The following DMD variants were observed in gnomAD, a reference collection of about 807,000 sequenced individuals.
DMD encodes the protein mutant dystrophin.
Under a neutral mutation model 330.1 loss-of-function variants are expected in DMD, and 63 were observed. The observed-to-expected ratio is 0.19, with a 90% CI of 0.16 to 0.24. DMD has a LOEUF of 0.24. Ranked by LOEUF, DMD falls within the 10% of genes least tolerant of loss-of-function variation. The pLI is 1.00. For missense variants in DMD, 3,344 were observed against 2,684.1 expected (o/e 1.25, Z -5.43); for synonymous variants, 1,223 against 959.8 (o/e 1.27, Z -5.07).
chrX:31,470,259 T>C (rs2067195070), intron 59 of DMD, among the ~76,000 whole-genome samples: 1 of 111,301 alleles, frequency 9.0e-6, no homozygotes, highest in Non-Finnish European at 1.9e-5. Flanking sequence ...GGCGTTCCGG[T>C]TTTTGGAATT....
rs1376472899 is a variant in DMD at position 31,283,280 on chromosome X, G to A, written c.9225-22264C>T. Among the ~76,000 whole-genome samples, 3 of 111,499 alleles carry A rather than the reference G, an allele frequency of 2.7e-5. No individual in the cohort carries two copies. The East Asian group carries it at 8.3e-4, about 31-fold the overall frequency. On this transcript the variant is annotated intron_variant, in intron 62 of 78. Coordinates refer to ENST00000357033, the MANE Select transcript of DMD (RefSeq NM_004006.3). ...CATAAGAATGTGAATGGTTATGTTT[G>A]TTTGCGCAGATGGGGTTTATATTTA...
intron 1 of DMD, among the ~76,000 whole-genome samples, chrX:33,275,059 T>A (rs2053214145): frequency 8.9e-6 from 1 of 111,845 alleles, no homozygotes; most frequent in Non-Finnish European, 1.9e-5. Flanking sequence ...CGTGTTGTGC[T>A]GTTTGTTTTC....
In DMD at chrX:32,565,881, C is replaced by A. The variant is rs939660481; in HGVS notation, c.1813G>T (p.Val605Phe). 2 of 1,204,798 alleles carry A rather than the reference C, an allele frequency of 1.7e-6. No individual in the cohort carries two copies. The highest frequency in any genetic ancestry group is 2.2e-6 in the Non-Finnish European group (2 of 891,101). The stretch of plus-strand genomic sequence containing the variant: ...TTCTTTTCTAGATCCGCTTTTAAAA[C>A]CTGTTAAAACAAGAAAGATCACAGA... Reference protein sequence around the residue: ...EMLSSLQKLAVLKADLEKKKQ... With the variant: ...EMLSSLQKLAFLKADLEKKKQ... The change falls in exon 16 of 79, where the codon GTT (valine) becomes TTT (phenylalanine). Residue 605 changes from valine to phenylalanine, a missense_variant and splice_region_variant. By Grantham distance (50) the Val-to-Phe change is conservative. Transcript: ENST00000357033.
At chrX:33,178,513 T>G (rs2049800092) in intron 1 of DMD, among the ~76,000 whole-genome samples, 1 of 112,392 alleles carries the variant, frequency 8.9e-6, no homozygotes, top group Admixed American at 9.4e-5. Context: ...CACTCATTTT[T>G]TAATACTCAA....
chrX:31,695,189 G>A (rs558525999), intron 52 of DMD, among the ~76,000 whole-genome samples: 1 of 111,351 alleles, frequency 9.0e-6, no homozygotes, highest in South Asian at 3.8e-4. Context: ...ATCACTGCAT[G>A]TTCTCACTTA....
chrX:32,450,375 G>A (rs761036779), intron 26 of DMD, among the ~76,000 whole-genome samples: 5 of 111,158 alleles, frequency 4.5e-5, no homozygotes, highest in East Asian at 2.8e-4. Context: ...TAACTTCACC[G>A]ATTTTAATTG....
intron 44 of DMD, among the ~76,000 whole-genome samples, chrX:32,178,408 G>A (rs1343583651): frequency 1.8e-5 from 2 of 109,425 alleles, no homozygotes; most frequent in African/African-American, 6.7e-5. Flanking sequence ...GTGTAAAATA[G>A]TTACCATTGT....
chrX:32,024,715 T>A (rs1223491045), intron 44 of DMD, among the ~76,000 whole-genome samples: 1 of 110,882 alleles, frequency 9.0e-6, no homozygotes, highest in African/African-American at 3.3e-5. Context: ...GTTGTGATGA[T>A]TGCCTGAATT....
intron 67 of DMD, among the ~76,000 whole-genome samples, chrX:31,188,215 A>G (rs2042000164): frequency 9.0e-6 from 1 of 111,373 alleles, no homozygotes; most frequent in South Asian, 3.8e-4. Context: ...ATGACAAACT[A>G]CTCTGTATCC....
At position 32,844,767 on chromosome X, in the gene DMD, C is replaced by G. The variant is rs370983176; in HGVS notation, c.264+16G>C. On this transcript the variant is annotated intron_variant, in intron 4 of 78. Coordinates refer to ENST00000357033, the MANE Select transcript of DMD (RefSeq NM_004006.3). Reference sequence around the variant, plus strand: ...CTGTGTCACAGCATCCAGACCTTGTCCAGGGTACTACTTACATTATTGTTC... The same window carrying G: ...CTGTGTCACAGCATCCAGACCTTGTGCAGGGTACTACTTACATTATTGTTC... The G allele has an allele frequency of 6.7e-6, 8 of 1,197,076 alleles. No individual in the cohort carries two copies. The highest frequency in any genetic ancestry group is 2.3e-4 in the Middle Eastern group (1 of 4,329).
chrX:32,696,539 G>C (rs1040714812), intron 9 of DMD, among the ~76,000 whole-genome samples: 10 of 112,054 alleles, frequency 8.9e-5, no homozygotes, highest in Non-Finnish European at 1.9e-4. Context: ...GCAGAGCCTA[G>C]CAAGATGTAA....
chrX:31,316,615 T>C (rs1284336371), intron 62 of DMD, among the ~76,000 whole-genome samples: 1 of 111,917 alleles, frequency 8.9e-6, no homozygotes, highest in Non-Finnish European at 1.9e-5. Flanking sequence ...CCTTTCACTC[T>C]CTTTCAGTTA....
chrX:32,088,614 G>A (rs1396185647), intron 44 of DMD, among the ~76,000 whole-genome samples: 1 of 110,021 alleles, frequency 9.1e-6, no homozygotes, highest in Non-Finnish European at 1.9e-5. Flanking sequence ...AGATAGAAGG[G>A]TTGGTGTTGA....
chrX:32,554,557 G>A (rs898174993), intron 16 of DMD, among the ~76,000 whole-genome samples: 5 of 109,400 alleles, frequency 4.6e-5, no homozygotes, highest in Non-Finnish European at 9.5e-5. Context: ...TCCCCTCTAA[G>A]ACTGAACCAT....
chrX:32,837,282 T>TG (rs1569531864), intron 4 of DMD, among the ~76,000 whole-genome samples: 2 of 112,181 alleles, frequency 1.8e-5, no homozygotes, highest in African/African-American at 3.2e-5. Context: ...CTACATCACC[T>TG]GGAATCTCTT....
chrX:32,259,852 G>A (rs1603629473), intron 43 of DMD, among the ~76,000 whole-genome samples: 1 of 111,232 alleles, frequency 9.0e-6, no homozygotes, highest in East Asian at 2.8e-4. Flanking sequence ...TATTACAATA[G>A]GAGACAGTAA....
At chrX:32,558,933 A>ATTTTCTTTTTTTTTTTTTT (rs1569199346) in intron 16 of DMD, among the ~76,000 whole-genome samples, 11 of 64,323 alleles carry the variant, frequency 1.7e-4, no homozygotes, top group African/African-American at 8.1e-4. Context: ...GTAACTTCAA[A>ATTTTCTTTTTTTTTTTTTT]TTTTCTTTTT....
chrX:31,505,142 C>G (rs1470541174), intron 56 of DMD, among the ~76,000 whole-genome samples: 1 of 112,036 alleles, frequency 8.9e-6, no homozygotes, highest in East Asian at 2.8e-4. Context: ...CTTAACTTGA[C>G]CTGCCAATAT....
chrX:31,314,966 T>C (rs2055888350), intron 62 of DMD, among the ~76,000 whole-genome samples: 1 of 110,928 alleles, frequency 9.0e-6, no homozygotes, highest in Admixed American at 9.6e-5. Context: ...TCTAAGGAAA[T>C]TATCCCAAAG....
Sources: allele counts gnomAD v4.1 joint callset (sites outside exome capture counted in the v4.1 genomes callset), GRCh38; gene constraint gnomAD v4.1.1; transcripts MANE v1.5; gene names NCBI Gene and HGNC (gene_info 2026-07-23, HGNC 2026-07-21).